NRROS: variants seen among roughly 807,000 people sequenced by gnomAD.
The protein encoded by NRROS is negative regulator of reactive oxygen species.
In NRROS, 6 loss-of-function variants were observed where a neutral mutation model predicts 12.0. That is an observed-to-expected ratio of 0.50 (90% CI 0.27 to 0.98). The LOEUF (loss-of-function observed/expected upper bound fraction) is 0.98. NRROS is among the 50% of genes least tolerant of loss of function. NRROS has a pLI of 0.11. For missense variants in NRROS, 857 were observed against 888.2 expected (o/e 0.96, Z 0.45); for synonymous variants, 462 against 410.2 (o/e 1.13, Z -1.53).
chr3:196,649,785 A>C (rs1737384976), intron 1 of NRROS, among the ~76,000 whole-genome samples: 1 of 152,100 alleles, frequency 6.6e-6, no homozygotes, highest in South Asian at 2.1e-4. Context: ...ATTTGTTTCT[A>C]GCACAGAGTG....
rs575035180 is a variant in NRROS at position 196,649,855 on chromosome 3, C to T, written c.-13-4672C>T. Among the ~76,000 whole-genome samples the T allele has an allele frequency of 3.1e-4, 47 of 152,186 alleles. 1 individual carries two copies. Among genetic ancestry groups the T allele is most frequent in the Non-Finnish European group, 6.3e-4 (43 of 68,028 alleles). On this transcript the variant is annotated intron_variant, in intron 1 of 2. Coordinates refer to ENST00000328557, the MANE Select transcript of NRROS (RefSeq NM_198565.3). ...TTTCCGTAAAGCTTTTTCAGCTTCT[C>T]TGATTACTTTGAGGAGAAAATTCTT...
At chr3:196,649,573 G>A (rs1369940570) in intron 1 of NRROS, among the ~76,000 whole-genome samples, 1 of 152,028 alleles carries the variant, frequency 6.6e-6, no homozygotes, top group Non-Finnish European at 1.5e-5. Flanking sequence ...CCGGGTTCAC[G>A]CCATTCTCCT....
chr3:196,646,929 T>G (rs1283233806), intron 1 of NRROS, among the ~76,000 whole-genome samples: 1 of 152,228 alleles, frequency 6.6e-6, no homozygotes, highest in Non-Finnish European at 1.5e-5. Flanking sequence ...TTTAGCAAAC[T>G]TGGGGATTAT....
rs142890318 is a variant in NRROS at position 196,661,603 on chromosome 3, G to C, written c.1960G>C (p.Val654Leu). The change falls in exon 3 of 3, where the codon GTG (valine) becomes CTG (leucine). Residue 654 changes from valine (V) to leucine (L), a missense_variant. Physicochemically the swap from Val to Leu is conservative, Grantham distance 32. Coordinates refer to ENST00000328557, the MANE Select transcript of NRROS (RefSeq NM_198565.3). ...ERLDLGLLYL[V>L]LILPSCLTLL... ...GCTGGACCTGGGCCTGCTCTACCTC[G>C]TGCTCATCCTCCCCAGCTGCCTCAC... is the stretch of plus-strand genomic sequence containing the variant. 1.2e-6 allele frequency: 2 copies of C among 1,613,564 alleles called. No individual in the cohort carries two copies. Among genetic ancestry groups the C allele is most frequent in the East Asian group, 2.2e-5 (1 of 44,878 alleles).
chr3:196,656,726 T>C (rs939631854), intron 2 of NRROS, among the ~76,000 whole-genome samples: 1 of 152,174 alleles, frequency 6.6e-6, no homozygotes, highest in African/African-American at 2.4e-5. Context: ...ATGAACAGCC[T>C]TTCAGAGTTC....
intron 1 of NRROS, among the ~76,000 whole-genome samples, chr3:196,648,438 A>T (rs1176799653): frequency 6.6e-6 from 1 of 152,036 alleles, no homozygotes; most frequent in Non-Finnish European, 1.5e-5. Flanking sequence ...AAATTTCCCC[A>T]ATTGTCTCAT....
intron 1 of NRROS, among the ~76,000 whole-genome samples, chr3:196,640,599 C>T (rs1011872268): frequency 6.6e-6 from 1 of 152,220 alleles, no homozygotes. Flanking sequence ...AAGACTCGGA[C>T]GCTCTTCCGT....
rs77545314 is a variant in NRROS, at chr3:196,646,787, G to A, written c.-14+6912G>A. 9.9e-5 allele frequency among the ~76,000 whole-genome samples: 15 copies of A among 152,284 alleles called. No homozygotes were observed. In the East Asian group the frequency reaches 2.5e-3, roughly 25 times the overall value. ...CTCTCGCCACGAGCCCCGGTACAGC[G>A]CAGGCTGACCAGAGAACCGGAGAAC... On this transcript the variant is annotated intron_variant, in intron 1 of 2. Coordinates refer to ENST00000328557, the MANE Select transcript of NRROS (RefSeq NM_198565.3).
Position 196,661,730 on chromosome 3 carries a change from G to A in NRROS, c.*8G>A. 2 of 1,577,000 alleles carry A rather than the reference G, an allele frequency of 1.3e-6. No homozygotes were observed. Among genetic ancestry groups the A allele is most frequent in the Non-Finnish European group, 1.7e-6 (2 of 1,164,006 alleles). On this transcript the variant is annotated 3_prime_UTR_variant, in exon 3 of 3. Transcript: ENST00000328557. ...TGGTCCTCCGTTTACTGACCTGGCT[G>A]TGTGCCAAGACTCGAAATTCGGTCC... is the stretch of plus-strand genomic sequence containing the variant.
intron 1 of NRROS, among the ~76,000 whole-genome samples, chr3:196,650,674 A>G (rs113557491): frequency 9.2e-5 from 14 of 152,216 alleles, no homozygotes; most frequent in Admixed American, 2.0e-4. Context: ...GCAGAATACA[A>G]CCTCCATTCA....
At chr3:196,651,223 A>G (rs1737418265) in intron 1 of NRROS, among the ~76,000 whole-genome samples, 1 of 152,194 alleles carries the variant, frequency 6.6e-6, no homozygotes, top group Non-Finnish European at 1.5e-5. Context: ...CTATTTTGAA[A>G]GCCTTTTATT....
At chr3:196,646,970 C>G (rs372655182) in intron 1 of NRROS, among the ~76,000 whole-genome samples, 1 of 152,162 alleles carries the variant, frequency 6.6e-6, no homozygotes, top group Non-Finnish European at 1.5e-5. Flanking sequence ...CTTTCCTTTC[C>G]TTGATATTAT....
chr3:196,649,672 T>C (rs1308128), intron 1 of NRROS, among the ~76,000 whole-genome samples: 4 of 152,040 alleles, frequency 2.6e-5, no homozygotes, highest in Admixed American at 1.3e-4. Context: ...GGGGTTTCAC[T>C]GTGTTAGCCA....
At position 196,660,999 on chromosome 3, in the gene NRROS, C is replaced by T. The variant is rs1232917736; in HGVS notation, c.1356C>T (p.Pro452=). ...PLPAASDRVG[P]PSCVDFRNMA... ...CAGCTGCCTCGGACCGGGTGGGCCC[C>T]CCTAGCTGTGTGGATTTCAGGAATA... Residue 452 remains proline (P), a synonymous_variant, in exon 3 of 3, where the codon CCC becomes CCT. Transcript: ENST00000328557. This position sits in a 1 kb window ranked among gnomAD's most constrained non-coding sequence, Gnocchi z 7.7. 6.2e-7 allele frequency: 1 copy of T among 1,614,060 alleles called. No individual in the cohort carries two copies. The highest frequency in any genetic ancestry group is 8.5e-7 in the Non-Finnish European group (1 of 1,180,052).
rs35305090 is a variant in NRROS, at chr3:196,659,296, CTTTTT to C, written c.109-438_109-434del. On this transcript the variant is annotated intron_variant, in intron 2 of 2. Transcript: ENST00000328557. ...TCAGGATGGTGAAAGCTCTCAAGTCCTTTTTTTTTTTTTTTTTTTTTTGAGATGGA... is the reference window on the plus strand; with the variant it reads ...TCAGGATGGTGAAAGCTCTCAAGTCCTTTTTTTTTTTTTTTTTGAGATGGA... Among the ~76,000 whole-genome samples, 312 of 81,440 alleles carry C rather than the reference CTTTTT, an allele frequency of 3.8e-3. 1 individual carries two copies. The highest frequency in any genetic ancestry group is 0.013 in the South Asian group (25 of 1,952). The allele number at this position is 81,440 out of a possible 152,430, so 53.4% of individuals were successfully genotyped here.
chr3:196,661,242 T>C lies in NRROS; in HGVS notation c.1599T>C (p.Ser533=). 6.2e-7 allele frequency: 1 copy of C among 1,614,006 alleles called. No homozygotes were observed. The highest frequency in any genetic ancestry group is 8.5e-7 in the Non-Finnish European group (1 of 1,179,986). Residue 533 remains serine, a synonymous_variant, in exon 3 of 3, where the codon TCT becomes TCC. Transcript: ENST00000328557. ...CCAGCTTTATGGCGTTGGACTTCTCTGGGTTTGGGAATCTCAGGGACTTAG... is the reference window on the plus strand; with the variant it reads ...CCAGCTTTATGGCGTTGGACTTCTCCGGGTTTGGGAATCTCAGGGACTTAG... ...LHSSFMALDF[S]GFGNLRDLDL...
intron 1 of NRROS, among the ~76,000 whole-genome samples, chr3:196,650,997 C>G (rs1406120742): frequency 1.3e-5 from 2 of 152,188 alleles, no homozygotes; most frequent in African/African-American, 4.8e-5. Flanking sequence ...GCTTAGATGC[C>G]CTCTTACAGC....
intron 2 of NRROS, among the ~76,000 whole-genome samples, chr3:196,658,109 A>C (rs1366475056): frequency 6.6e-6 from 1 of 152,240 alleles, no homozygotes; most frequent in Non-Finnish European, 1.5e-5. Flanking sequence ...TCTTGCTCTC[A>C]GCCACTGTGC....
chr3:196,645,300 G>A (rs1016126731), intron 1 of NRROS, among the ~76,000 whole-genome samples: 2 of 152,146 alleles, frequency 1.3e-5, no homozygotes, highest in South Asian at 2.1e-4. Context: ...GGGCATGCGT[G>A]ATTTAGTCAA....
Sources: gnomAD v4.1 joint callset for allele counts (sites outside exome capture counted in the v4.1 genomes callset) on GRCh38, gnomAD v4.1.1 for gene constraint, Gnocchi (gnomAD v3.1) non-coding constraint, MANE v1.5 for transcripts, NCBI Gene and HGNC (gene_info 2026-07-23, HGNC 2026-07-21) for gene names.